The following ULK2 variants were observed in gnomAD, a reference collection of about 807,000 sequenced individuals.
The protein encoded by ULK2 is unc-51 like autophagy activating kinase 2, also known as serine/threonine-protein kinase ULK2.
Under a neutral mutation model 127.5 loss-of-function variants are expected in ULK2, and 76 were observed. The observed-to-expected ratio is 0.60, with a 90% CI of 0.50 to 0.72. The LOEUF is 0.72. ULK2 is among the 30% of genes least tolerant of loss of function. ULK2 has a pLI of 0.00. For missense variants in ULK2, 1,144 were observed against 1,295.9 expected, an observed-to-expected ratio of 0.88 and a Z score of 1.80; for synonymous variants, 452 against 461.9, an observed-to-expected ratio of 0.98 and a Z score of 0.28.
chr17:19,814,086 A>G (rs1386966443), intron 13 of ULK2, among the ~76,000 whole-genome samples: 2 of 152,058 alleles, frequency 1.3e-5, no homozygotes, highest in Non-Finnish European at 2.9e-5. Flanking sequence ...AATATAGACA[A>G]AAAAAGAAAC....
intron 20 of ULK2, among the ~76,000 whole-genome samples, chr17:19,795,312 G>A (rs1033496821): frequency 1.8e-4 from 22 of 122,952 alleles, no homozygotes; most frequent in African/African-American, 5.4e-4. Context: ...GTACATGTAG[G>A]TTTAGGCCAA....
rs1245204275 is a variant in ULK2, at chr17:19,775,532, A to G, written c.*817T>C. ...AAAAAATGGAACCAAAAGCTAACAA[A>G]AACATTACTGAGAAAATCTGTAGGT... On this transcript the variant is annotated 3_prime_UTR_variant, in exon 27 of 27. Transcript: ENST00000395544. The G allele has an allele frequency of 2.0e-5, 3 of 152,266 alleles. No homozygotes were observed. The East Asian group carries it at 5.8e-4, about 29-fold the overall frequency. 9.4% of individuals were successfully genotyped at this position (152,266 alleles called of 1,614,324 possible).
At chr17:19,816,698 T>C (rs769796281) in intron 13 of ULK2, 51 bp downstream of exon 13, 7 of 1,443,114 alleles carry the variant, frequency 4.9e-6, no homozygotes, top group Admixed American at 2.8e-5. Context: ...AAAAAGATGC[T>C]AGTTTAGTAG....
intron 3 of ULK2, among the ~76,000 whole-genome samples, chr17:19,859,922 C>T (rs2042206968): frequency 6.6e-6 from 1 of 152,212 alleles, no homozygotes; most frequent in African/African-American, 2.4e-5. Context: ...AGCAATCCTC[C>T]AGCTTCAGCT....
intron 12 of ULK2, among the ~76,000 whole-genome samples, chr17:19,824,153 C>A (rs1043925693): frequency 6.6e-6 from 1 of 152,136 alleles, no homozygotes; most frequent in African/African-American, 2.4e-5. Context: ...TTTCTGCCAG[C>A]GGCATTCAAG....
chr17:19,826,153 C>A lies in ULK2; in HGVS notation c.821G>T (p.Gly274Val), dbSNP rs2041290897. The A allele has an allele frequency of 1.4e-6, 2 of 1,466,064 alleles. No homozygotes were observed. The highest frequency in any genetic ancestry group is 9.1e-7 in the Non-Finnish European group (1 of 1,098,356). 90.8% of individuals were successfully genotyped at this position (1,466,064 alleles called of 1,614,324 possible). ...AFFSHPFLEQGPVKKSCPVPV... is the reference protein window; with the variant it reads ...AFFSHPFLEQVPVKKSCPVPV... ...TGGATACTCACATTTTTTTACTGGA[C>A]CTTGCTCAAGAAAAGGATGGCTAAA... Residue 274 changes from glycine to valine, a missense_variant, in exon 11 of 27, where the codon GGT (glycine) becomes GTT (valine). Gly to Val is a moderately radical substitution (Grantham distance 109). Coordinates refer to ENST00000395544, the MANE Select transcript of ULK2 (RefSeq NM_014683.4).
chr17:19,805,713 C>T (rs2087501126), intron 14 of ULK2, among the ~76,000 whole-genome samples: 1 of 152,152 alleles, frequency 6.6e-6, no homozygotes, highest in Admixed American at 6.5e-5. Context: ...CTCATTCTTC[C>T]TGTTCAAAAT....
At position 19,801,192 on chromosome 17, in the gene ULK2, C is replaced by T. The variant is rs191420669; in HGVS notation, c.1441+585G>A. Among the ~76,000 whole-genome samples, 699 of 152,300 alleles carry T rather than the reference C, an allele frequency of 4.6e-3. 3 individuals carry two copies. The highest frequency in any genetic ancestry group is 7.0e-3 in the Admixed American group (107 of 15,296). On this transcript the variant is annotated intron_variant, in intron 16 of 26. Transcript: ENST00000395544. ...TCTGACTTTGCATTTAGAGCCCAAT[C>T]CCAAAGGAGATGCTTTTTATACATA...
In ULK2 at chr17:19,780,554, A is replaced by T; in HGVS notation, c.2834T>A (p.Phe945Tyr). Residue 945 changes from phenylalanine to tyrosine, a missense_variant, in exon 25 of 27, where the codon TTC becomes TAC. By Grantham distance (22) the Phe-to-Tyr change is conservative. Coordinates refer to ENST00000395544, the MANE Select transcript of ULK2 (RefSeq NM_014683.4). ...CKKLTEKLNR[F>Y]FSDKQRFIDE... ...AATAAACCTCTGTTTGTCAGAGAAG[A>T]ATCGATTCAGCTTTTCTGTAAGTTT... 1 of 1,614,026 alleles carries T rather than the reference A, an allele frequency of 6.2e-7. No individual in the cohort carries two copies. Among genetic ancestry groups the T allele is most frequent in the South Asian group, 1.1e-5 (1 of 91,050 alleles).
intron 20 of ULK2, among the ~76,000 whole-genome samples, chr17:19,793,016 T>C (rs1184171214): frequency 6.6e-6 from 1 of 152,128 alleles, no homozygotes; most frequent in Non-Finnish European, 1.5e-5. Flanking sequence ...CTGCTATAAA[T>C]AACTGCCCGA....
chr17:19,832,631 A>G (rs421561), intron 10 of ULK2, among the ~76,000 whole-genome samples: 144,161 of 152,150 alleles, frequency 0.95, 68,454 homozygotes, highest in Non-Finnish European at 0.97. Context: ...GTAACTTACC[A>G]TCTCAAAGCA....
intron 3 of ULK2, among the ~76,000 whole-genome samples, chr17:19,856,847 G>A (rs537919328): frequency 6.6e-6 from 1 of 151,072 alleles, no homozygotes; most frequent in East Asian, 2.0e-4. Flanking sequence ...CATGGTGGTA[G>A]GCGCCTGTAG....
chr17:19,781,468 G>A (rs1244472898), intron 23 of ULK2, among the ~76,000 whole-genome samples: 3 of 151,724 alleles, frequency 2.0e-5, no homozygotes, highest in South Asian at 4.2e-4. Context: ...GGCTGGTCTC[G>A]AACCCATGGG....
At chr17:19,842,846 C>T (rs899527830) in intron 8 of ULK2, among the ~76,000 whole-genome samples, 1 of 152,128 alleles carries the variant, frequency 6.6e-6, no homozygotes, top group African/African-American at 2.4e-5. Flanking sequence ...GCTCTGGTGT[C>T]ACCATTCACA....
intron 1 of ULK2, among the ~76,000 whole-genome samples, chr17:19,866,468 A>ACGGCACTCCAGCCT (rs2042353792): frequency 6.6e-6 from 1 of 152,076 alleles, no homozygotes; most frequent in Admixed American, 6.6e-5. Context: ...AGATCTCGCC[A>ACGGCACTCCAGCCT]CGGCACTCCA....
intron 3 of ULK2, among the ~76,000 whole-genome samples, chr17:19,858,801 T>G (rs915752035): frequency 1.3e-5 from 2 of 151,656 alleles, no homozygotes; most frequent in African/African-American, 4.8e-5. Flanking sequence ...GAAACCCCAT[T>G]TCTACTAAAA....
intron 20 of ULK2, among the ~76,000 whole-genome samples, chr17:19,788,121 G>A (rs1002062085): frequency 6.6e-6 from 1 of 152,152 alleles, no homozygotes; most frequent in Non-Finnish European, 1.5e-5. Context: ...GGGTCCAAGT[G>A]AACTTGAAAG....
At position 19,849,801 on chromosome 17, in the gene ULK2, T is replaced by C. The variant is rs137965679; in HGVS notation, c.226-27A>G. 721 of 1,420,794 alleles carry C rather than the reference T, an allele frequency of 5.1e-4. 3 individuals carry two copies. In the African/African-American group the frequency reaches 9.2e-3, roughly 18 times the overall value. The allele number at this position is 1,420,794 out of a possible 1,614,324, so 88.0% of individuals were successfully genotyped here. A position where few individuals can be genotyped will look rare whatever the true frequency, so the allele number is the denominator to read the frequency against. ...TGAAAAGTAAACATATTAAATATCA[T>C]TTAGAGAAAAATTAAACACAAAATT... On this transcript the variant is annotated intron_variant, in intron 3 of 26. Transcript: ENST00000395544.
intron 12 of ULK2, among the ~76,000 whole-genome samples, chr17:19,823,017 G>A (rs2041197737): frequency 1.3e-5 from 2 of 149,436 alleles, no homozygotes; most frequent in Non-Finnish European, 3.0e-5. Flanking sequence ...ATAGAGGCAG[G>A]TTCTTACTAT....
Sources: allele counts gnomAD v4.1 joint callset (sites outside exome capture counted in the v4.1 genomes callset), GRCh38; gene constraint gnomAD v4.1.1; transcripts MANE v1.5; gene names NCBI Gene and HGNC (gene_info 2026-07-23, HGNC 2026-07-21).